The following FLRT2 variants were observed in gnomAD, a reference collection of about 807,000 sequenced individuals.
FLRT2 encodes fibronectin leucine rich transmembrane protein 2, also known as leucine-rich repeat transmembrane protein FLRT2.
Under a neutral mutation model 40.0 loss-of-function variants are expected in FLRT2, and 15 were observed. The observed-to-expected ratio is 0.38, with a 90% confidence interval of 0.25 to 0.58. The LOEUF (loss-of-function observed/expected upper bound fraction) is 0.58. Among genes scored for constraint, FLRT2 ranks in the 20% least tolerant of loss-of-function variants. The pLI is 0.71. For missense variants in FLRT2, 726 were observed against 840.0 expected, an observed-to-expected ratio of 0.86 and a Z score of 1.68; for synonymous variants, 380 against 336.8, an observed-to-expected ratio of 1.13 and a Z score of -1.41.
rs1893841414 is a variant in FLRT2 at position 85,630,498 on chromosome 14, C to G, written c.*7001C>G. Reference sequence around the variant, plus strand: ...TTGTTGGTTTAGTTTTGATTTCATTCAGCAAATATTTACCGAGGCCTGGTA... The same window carrying G: ...TTGTTGGTTTAGTTTTGATTTCATTGAGCAAATATTTACCGAGGCCTGGTA... On this transcript the variant is annotated 3_prime_UTR_variant, in exon 2 of 2. Transcript: ENST00000330753. The G allele has an allele frequency of 6.6e-6, 1 of 152,052 alleles. No homozygotes were observed. The highest frequency in any genetic ancestry group is 2.1e-4 in the South Asian group (1 of 4,820). 9.4% of individuals were successfully genotyped at this position (152,052 alleles called of 1,614,324 possible).
chr14:85,600,561 C>T (rs956921457), intron 1 of FLRT2, among the ~76,000 whole-genome samples: 3 of 152,012 alleles, frequency 2.0e-5, no homozygotes, highest in East Asian at 1.9e-4. Flanking sequence ...GGAAAATAAA[C>T]GTGGTCAAGA....
intron 1 of FLRT2, among the ~76,000 whole-genome samples, chr14:85,577,073 C>G (rs111584296): frequency 6.6e-6 from 1 of 152,104 alleles, no homozygotes; most frequent in Non-Finnish European, 1.5e-5. Context: ...TCAAAATAAA[C>G]GATGAGCGAT....
intron 1 of FLRT2, among the ~76,000 whole-genome samples, chr14:85,611,917 C>CCTGT (rs1428003696): frequency 2.3e-5 from 3 of 130,932 alleles, no homozygotes; most frequent in Non-Finnish European, 4.9e-5. Flanking sequence ...TGCGCGAAAG[C>CCTGT]GTGTGTGTGT....
At chr14:85,538,962 C>T (rs1459467664) in intron 1 of FLRT2, among the ~76,000 whole-genome samples, 1 of 152,042 alleles carries the variant, frequency 6.6e-6, no homozygotes, top group Non-Finnish European at 1.5e-5. Flanking sequence ...GACTCAAGTA[C>T]TTAGACAAAG....
In FLRT2 at chr14:85,622,295, G is replaced by C. The variant is rs762411298; in HGVS notation, c.781G>C (p.Asp261His). 2 of 1,614,054 alleles carry C rather than the reference G, an allele frequency of 1.2e-6. No individual in the cohort carries two copies. Among genetic ancestry groups the C allele is most frequent in the Admixed American group, 3.3e-5 (2 of 60,018 alleles). ...GTHLIRLYLQDNQINHIPLTA... is the reference protein window; with the variant it reads ...GTHLIRLYLQHNQINHIPLTA... Reference sequence around the variant, plus strand: ...GCATCTGATCAGGCTCTATTTGCAGGACAACCAGATAAACCACATTCCTTT... The same window carrying C: ...GCATCTGATCAGGCTCTATTTGCAGCACAACCAGATAAACCACATTCCTTT... The change falls in exon 2 of 2, where the codon GAC (aspartate) becomes CAC (histidine). Residue 261 changes from aspartate (D) to histidine (H), a missense_variant. Asp to His is a moderately conservative substitution (Grantham distance 81). Transcript: ENST00000330753.
Position 85,621,186 on chromosome 14 carries a change from G to T in FLRT2, c.-329G>T. 1 of 346,212 alleles carries T rather than the reference G, an allele frequency of 2.9e-6. No homozygotes were observed. Among genetic ancestry groups the T allele is most frequent in the Non-Finnish European group, 5.2e-6 (1 of 190,960 alleles). 21.4% of individuals were successfully genotyped at this position (346,212 alleles called of 1,614,324 possible). On this transcript the variant is annotated 5_prime_UTR_variant, in exon 2 of 2. Coordinates refer to ENST00000330753, the MANE Select transcript of FLRT2 (RefSeq NM_013231.6). ...GAAGTTCGTAGGCTAATCAAGGCTGGCTTGACCTACAAAAGAAGAAGAGAG... is the reference window on the plus strand; with the variant it reads ...GAAGTTCGTAGGCTAATCAAGGCTGTCTTGACCTACAAAAGAAGAAGAGAG...
At chr14:85,568,583 T>G (rs1334239713) in intron 1 of FLRT2, among the ~76,000 whole-genome samples, 1 of 152,208 alleles carries the variant, frequency 6.6e-6, no homozygotes. Flanking sequence ...GTGTTTGGGC[T>G]TCAAATCCAG....
In FLRT2 at chr14:85,636,252, A is replaced by T. The variant is rs1893996139; in HGVS notation, c.*12755A>T. 6.6e-6 allele frequency: 1 copy of T among 152,074 alleles called. No homozygotes were observed. 9.4% of individuals were successfully genotyped at this position (152,074 alleles called of 1,614,324 possible). A position where few individuals can be genotyped will look rare whatever the true frequency, so the allele number is the denominator to read the frequency against. On this transcript the variant is annotated 3_prime_UTR_variant, in exon 2 of 2. Coordinates refer to ENST00000330753, the MANE Select transcript of FLRT2 (RefSeq NM_013231.6). The stretch of plus-strand genomic sequence containing the variant: ...TATAAAGGACCAAAATAGTATTTTT[A>T]AAAGAATTTATCAAAGTAACTATAA...
intron 1 of FLRT2, among the ~76,000 whole-genome samples, chr14:85,550,091 C>G (rs1889522409): frequency 6.6e-6 from 1 of 151,878 alleles, no homozygotes; most frequent in African/African-American, 2.4e-5. Context: ...AAACAGCAGG[C>G]ATCGTGGATT....
intron 1 of FLRT2, among the ~76,000 whole-genome samples, chr14:85,598,773 G>T (rs758924934): frequency 6.6e-6 from 1 of 152,166 alleles, no homozygotes; most frequent in African/African-American, 2.4e-5. Flanking sequence ...CTAAGACAAA[G>T]ATGTAGGTCT....
intron 1 of FLRT2, among the ~76,000 whole-genome samples, chr14:85,608,423 T>C (rs1031740876): frequency 6.6e-6 from 1 of 151,840 alleles, no homozygotes; most frequent in Non-Finnish European, 1.5e-5. Context: ...TAGTAGAGAC[T>C]GGGTTTCGCC....
In FLRT2 at chr14:85,622,903, G is replaced by C. The variant is rs373146061; in HGVS notation, c.1389G>C (p.Gly463=). ...TWVKMGHSLV[G]GIVQERIVSG... ...TGAAAATGGGCCACAGTTTAGTAGG[G>C]GGCATCGTTCAGGAGCGCATAGTCA... Residue 463 remains glycine (G), a synonymous_variant, in exon 2 of 2, where the codon GGG becomes GGC. Transcript: ENST00000330753. 2.5e-6 allele frequency: 4 copies of C among 1,614,052 alleles called. No homozygotes were observed. In the African/African-American group the frequency reaches 4.0e-5, roughly 16 times the overall value.
intron 1 of FLRT2, among the ~76,000 whole-genome samples, chr14:85,539,952 G>T (rs1008232682): frequency 6.6e-6 from 1 of 152,062 alleles, no homozygotes; most frequent in Non-Finnish European, 1.5e-5. Context: ...CTCCTTTTCT[G>T]AGTTTGCGCT....
At chr14:85,552,884 G>A (rs755377566) in intron 1 of FLRT2, 2 of 152,072 alleles carry the variant, frequency 1.3e-5, no homozygotes, top group African/African-American at 2.4e-5. Context: ...TGATGCTTCT[G>A]CCACTGTGTT....
intron 1 of FLRT2, among the ~76,000 whole-genome samples, chr14:85,586,231 G>A (rs553899450): frequency 6.6e-6 from 1 of 151,394 alleles, no homozygotes; most frequent in South Asian, 2.1e-4. Context: ...TCATTTTACA[G>A]AAGAGGAAAA....
intron 1 of FLRT2, among the ~76,000 whole-genome samples, chr14:85,597,351 G>A (rs928252643): frequency 7.2e-5 from 11 of 152,138 alleles, no homozygotes; most frequent in Non-Finnish European, 1.5e-4. Flanking sequence ...GGAGATGGGC[G>A]ATTTAGAGAA....
chr14:85,571,687 T>C (rs1595040148), intron 1 of FLRT2, among the ~76,000 whole-genome samples: 1 of 152,282 alleles, frequency 6.6e-6, no homozygotes, highest in South Asian at 2.1e-4. Context: ...GCACAGCTTC[T>C]CTGATTTCCT....
At chr14:85,601,533 G>A (rs1892377823) in intron 1 of FLRT2, among the ~76,000 whole-genome samples, 1 of 152,144 alleles carries the variant, frequency 6.6e-6, no homozygotes, top group Non-Finnish European at 1.5e-5. Context: ...AGGGAGCAAA[G>A]CCCTGAAGAC....
rs1329632334 is a variant in FLRT2, at chr14:85,634,298, G to A, written c.*10801G>A. ...TGGTTTCAGGACAGTTATTTGGCAAGTAGTATCAATGGGTACTGGCATTCC... is the reference window on the plus strand; with the variant it reads ...TGGTTTCAGGACAGTTATTTGGCAAATAGTATCAATGGGTACTGGCATTCC... On this transcript the variant is annotated 3_prime_UTR_variant, in exon 2 of 2. Transcript: ENST00000330753. 3 of 152,216 alleles carry A rather than the reference G, an allele frequency of 2.0e-5. No homozygotes were observed. Among genetic ancestry groups the A allele is most frequent in the Non-Finnish European group, 4.4e-5 (3 of 68,034 alleles). The allele number at this position is 152,216 out of a possible 1,614,324, so 9.4% of individuals were successfully genotyped here.
Sources: gnomAD v4.1 joint callset for allele counts (sites outside exome capture counted in the v4.1 genomes callset) on GRCh38, gnomAD v4.1.1 for gene constraint, MANE v1.5 for transcripts, NCBI Gene and HGNC (gene_info 2026-07-23, HGNC 2026-07-21) for gene names.